The following CSMD3 variants were observed in gnomAD, a reference collection of about 807,000 sequenced individuals.
The protein encoded by CSMD3 is CUB and sushi domain-containing protein 3.
Under a neutral mutation model 435.2 loss-of-function variants are expected in CSMD3, and 177 were observed. The ratio of observed to expected loss-of-function variants is 0.41; its 90% CI spans 0.36 to 0.46. The LOEUF (loss-of-function observed/expected upper bound fraction) is 0.46, where lower values mean the gene tolerates loss of function less well. Ranked by LOEUF, CSMD3 falls within the 20% of genes least tolerant of loss-of-function variation. CSMD3 has a pLI of 0.34. For synonymous variants in CSMD3, 1,656 were observed against 1,520.5 expected, an observed-to-expected ratio of 1.09 and a Z score of -2.07; for missense variants, 4,265 against 4,504.6, an observed-to-expected ratio of 0.95 and a Z score of 1.52.
intron 5 of CSMD3, among the ~76,000 whole-genome samples, chr8:113,021,136 T>C (rs964927107): frequency 1.3e-5 from 2 of 152,212 alleles, no homozygotes; most frequent in African/African-American, 4.8e-5. Context: ...TCCCTATAAA[T>C]CTATTTTCTC....
chr8:112,342,300 A>T (rs1372968924), intron 41 of CSMD3, among the ~76,000 whole-genome samples: 1 of 152,112 alleles, frequency 6.6e-6, no homozygotes, highest in African/African-American at 2.4e-5. Context: ...ATGTAATCTC[A>T]ATATCTTTAT....
At chr8:112,390,028 T>C (rs1830285304) in intron 36 of CSMD3, among the ~76,000 whole-genome samples, 2 of 152,208 alleles carry the variant, frequency 1.3e-5, no homozygotes, top group African/African-American at 2.4e-5. Context: ...GTGTGCATAA[T>C]AGGAGGCTGC....
At chr8:112,364,272 C>T (rs374448714) in intron 38 of CSMD3, among the ~76,000 whole-genome samples, 8 of 151,892 alleles carry the variant, frequency 5.3e-5, no homozygotes, top group East Asian at 1.9e-4. Flanking sequence ...TCAGATATTC[C>T]AGTTTTTCCT....
chr8:112,233,347 T>G (rs574025177), intron 68 of CSMD3, among the ~76,000 whole-genome samples: 1 of 152,280 alleles, frequency 6.6e-6, no homozygotes, highest in South Asian at 2.1e-4. Flanking sequence ...GACATTATAC[T>G]CTGGGTATGG....
chr8:113,092,182 T>G (rs2090028193), intron 5 of CSMD3, among the ~76,000 whole-genome samples: 1 of 152,090 alleles, frequency 6.6e-6, no homozygotes, highest in South Asian at 2.1e-4. Flanking sequence ...AATCTTCACT[T>G]TCTTCATCTG....
chr8:112,326,850 T>C (rs1471063570), intron 45 of CSMD3, among the ~76,000 whole-genome samples: 1 of 151,980 alleles, frequency 6.6e-6, no homozygotes, highest in Non-Finnish European at 1.5e-5. Flanking sequence ...GGTGAAACCC[T>C]GCCTCTACTA....
rs539467848 is a variant in CSMD3, at chr8:113,269,644, G to A, written c.514+8948C>T. Among the ~76,000 whole-genome samples the A allele has an allele frequency of 2.4e-4, 37 of 151,840 alleles. No individual in the cohort carries two copies. The East Asian group carries it at 6.8e-3, about 28-fold the overall frequency. ...CCAATGGAACAGAACAGAGCCCTCAGAAATAATACCACACATCTACAACCA... is the reference window on the plus strand; with the variant it reads ...CCAATGGAACAGAACAGAGCCCTCAAAAATAATACCACACATCTACAACCA... On this transcript the variant is annotated intron_variant, in intron 3 of 70. Coordinates refer to ENST00000297405, the MANE Select transcript of CSMD3 (RefSeq NM_198123.2).
intron 22 of CSMD3, among the ~76,000 whole-genome samples, chr8:112,615,447 G>GT (rs1042225727): frequency 5.3e-5 from 8 of 151,848 alleles, no homozygotes; most frequent in South Asian, 4.1e-4. Context: ...TTAATTGAGA[G>GT]TTTTTTTTAT....
rs2131823908 is a variant in CSMD3 at position 112,689,898 on chromosome 8, G to A, written c.2125C>T (p.Gln709Ter). 6.2e-7 allele frequency: 1 copy of A among 1,613,144 alleles called. No homozygotes were observed. Among genetic ancestry groups the A allele is most frequent in the Non-Finnish European group, 8.5e-7 (1 of 1,179,404 alleles). The change falls in exon 14 of 71, where the codon CAA becomes TAA. Residue 709 changes from glutamine to a stop codon, truncating the protein, a stop_gained. Transcript: ENST00000297405. LOFTEE classifies it high-confidence loss of function. ...CAGATGGGTATGTTTGCAGACCATT[G>A]GTTATTCTCTTGACAAACAATGGAT... ...EKSIVCQENN[Q>*]WSANIPICIF...
chr8:112,755,075 T>C (rs2077658522), intron 13 of CSMD3, among the ~76,000 whole-genome samples: 1 of 152,062 alleles, frequency 6.6e-6, no homozygotes, highest in Admixed American at 6.6e-5. Context: ...CTCACGCCTG[T>C]AATCCCAGCA....
intron 32 of CSMD3, among the ~76,000 whole-genome samples, chr8:112,434,477 T>A (rs1814089062): frequency 1.3e-5 from 2 of 152,152 alleles, no homozygotes; most frequent in Non-Finnish European, 2.9e-5. Flanking sequence ...CCAGCATTTT[T>A]TTCTCCTTTA....
chr8:112,913,550 A>G (rs2082487129), intron 10 of CSMD3, among the ~76,000 whole-genome samples: 1 of 151,968 alleles, frequency 6.6e-6, no homozygotes, highest in Non-Finnish European at 1.5e-5. Flanking sequence ...ATTATATACT[A>G]ACTTTTAAAA....
At chr8:113,043,930 C>T (rs760997648) in intron 5 of CSMD3, among the ~76,000 whole-genome samples, 6 of 151,840 alleles carry the variant, frequency 4.0e-5, no homozygotes, top group Non-Finnish European at 8.8e-5. Flanking sequence ...ATCACATATC[C>T]TAGGATTTTA....
intron 10 of CSMD3, among the ~76,000 whole-genome samples, chr8:112,889,485 AGCATT>A (rs1045549842): frequency 4.0e-5 from 6 of 151,724 alleles, no homozygotes; most frequent in African/African-American, 1.4e-4. Context: ...AGACCAGCCT[AGCATT>A]AGTTTATTTC....
In CSMD3 at chr8:112,418,302, C is replaced by T. The variant is rs375720765; in HGVS notation, c.5396-9270G>A. On this transcript the variant is annotated intron_variant, in intron 32 of 70. Coordinates refer to ENST00000297405, the MANE Select transcript of CSMD3 (RefSeq NM_198123.2). ...TAAGTTTTAGGGTACATGTGCACAA[C>T]GTGCAGGTTTGTTACATATGTATAC... 9.8e-4 allele frequency among the ~76,000 whole-genome samples: 149 copies of T among 152,104 alleles called. 1 individual carries two copies. The East Asian group carries it at 0.016, about 16-fold the overall frequency.
intron 32 of CSMD3, among the ~76,000 whole-genome samples, chr8:112,452,431 A>G (rs959548705): frequency 6.6e-6 from 1 of 152,126 alleles, no homozygotes; most frequent in African/African-American, 2.4e-5. Context: ...GTACATGTTG[A>G]TTAAAAAAAT....
At chr8:112,909,198 C>A (rs2082340221) in intron 10 of CSMD3, among the ~76,000 whole-genome samples, 1 of 151,034 alleles carries the variant, frequency 6.6e-6, no homozygotes, top group South Asian at 2.1e-4. Context: ...AAAAGTTTAC[C>A]CAAAATCAAG....
At chr8:112,876,430 C>A (rs965287786) in intron 10 of CSMD3, among the ~76,000 whole-genome samples, 1 of 152,114 alleles carries the variant, frequency 6.6e-6, no homozygotes, top group Non-Finnish European at 1.5e-5. Context: ...TGAAAATTCT[C>A]AATAAAATAC....
intron 27 of CSMD3, among the ~76,000 whole-genome samples, chr8:112,519,868 T>C (rs574780221): frequency 6.6e-6 from 1 of 152,246 alleles, no homozygotes; most frequent in African/African-American, 2.4e-5. Context: ...TCATAAAGCC[T>C]TTGTAATAAA....
Sources: gnomAD v4.1 joint callset for allele counts (sites outside exome capture counted in the v4.1 genomes callset) on GRCh38, gnomAD v4.1.1 for gene constraint, MANE v1.5 for transcripts, NCBI Gene and HGNC (gene_info 2026-07-23, HGNC 2026-07-21) for gene names.